The following DCAF8L2 variants were observed in gnomAD, a reference collection of about 807,000 sequenced individuals.
The protein encoded by DCAF8L2 is DDB1 and CUL4 associated factor 8 like 2, also known as DDB1- and CUL4-associated factor 8-like protein 2.
For missense variants in DCAF8L2, 430 were observed against 490.7 expected (o/e 0.88, Z 1.17); for synonymous variants, 200 against 190.9 (o/e 1.05, Z -0.39).
At chrX:27,640,919 T>C (rs1928691634) in intron 2 of DCAF8L2, among the ~76,000 whole-genome samples, 1 of 111,708 alleles carries the variant, frequency 9.0e-6, no homozygotes, top group Non-Finnish European at 1.9e-5. Context: ...TACTTTAGGG[T>C]TTCTAGTAGA....
chrX:27,738,217 G>A (rs935134679), intron 4 of DCAF8L2, among the ~76,000 whole-genome samples: 18 of 111,713 alleles, frequency 1.6e-4, no homozygotes, highest in African/African-American at 5.5e-4. Context: ...GAAATAGCTT[G>A]TAAGAAAATT....
the DCAF8L2 span, among the ~76,000 whole-genome samples, chrX:27,525,353 T>C: frequency 1.2e-4 from 13 of 111,650 alleles, no homozygotes; most frequent in South Asian, 3.8e-4. Context: ...GGATTGCAAC[T>C]CCTGCCTTTT....
chrX:27,579,170 A>G, the DCAF8L2 span, among the ~76,000 whole-genome samples: 1 of 112,131 alleles, frequency 8.9e-6, no homozygotes, highest in Admixed American at 9.5e-5. Flanking sequence ...ATGCTCATCA[A>G]TGATAGACTG....
At chrX:27,568,485 A>G in the DCAF8L2 span, among the ~76,000 whole-genome samples, 1 of 111,711 alleles carries the variant, frequency 9.0e-6, no homozygotes, top group Non-Finnish European at 1.9e-5. Flanking sequence ...TTTCTGAGTA[A>G]TGATACTACA....
chrX:27,639,142 A>G (rs1332947556), intron 2 of DCAF8L2, among the ~76,000 whole-genome samples: 1 of 112,171 alleles, frequency 8.9e-6, no homozygotes, highest in Non-Finnish European at 1.9e-5. Context: ...TTTCAACAAC[A>G]TGGATGGAAC....
chrX:27,695,583 A>G (rs1930863798), intron 3 of DCAF8L2, among the ~76,000 whole-genome samples: 1 of 111,586 alleles, frequency 9.0e-6, no homozygotes, highest in Admixed American at 9.5e-5. Context: ...TATGTGTATA[A>G]CAATACCTAC....
intron 4 of DCAF8L2, among the ~76,000 whole-genome samples, chrX:27,729,802 T>C (rs754466648): frequency 8.9e-6 from 1 of 111,936 alleles, no homozygotes; most frequent in South Asian, 3.7e-4. Context: ...AATTTCAACA[T>C]ATTAATTTAG....
chrX:27,524,069 T>C, the DCAF8L2 span, among the ~76,000 whole-genome samples: 29 of 112,012 alleles, frequency 2.6e-4, 1 homozygote, highest in East Asian at 8.2e-3. Flanking sequence ...GGATTCCCTC[T>C]TTTTCTATTG....
chrX:27,724,985 T>C (rs1396639154), intron 4 of DCAF8L2, among the ~76,000 whole-genome samples: 1 of 111,391 alleles, frequency 9.0e-6, no homozygotes, highest in Non-Finnish European at 1.9e-5. Context: ...CATATTTGAC[T>C]CTAAATAATT....
At chrX:27,670,565 G>T (rs1327951044) in intron 2 of DCAF8L2, among the ~76,000 whole-genome samples, 1 of 111,590 alleles carries the variant, frequency 9.0e-6, no homozygotes, top group East Asian at 2.8e-4. Context: ...ACCGTTTAAA[G>T]AATATCAAGG....
chrX:27,503,479 G>A, the DCAF8L2 span, among the ~76,000 whole-genome samples: 1 of 110,949 alleles, frequency 9.0e-6, no homozygotes, highest in Non-Finnish European at 1.9e-5. Context: ...TTTTGTATAA[G>A]GTCTGAGGTT....
the DCAF8L2 span, among the ~76,000 whole-genome samples, chrX:27,486,233 T>C: frequency 9.1e-6 from 1 of 109,782 alleles, no homozygotes; most frequent in Admixed American, 9.8e-5. Flanking sequence ...CTCAAACCTC[T>C]GACCTCAGGT....
chrX:27,734,823 G>T (rs1402452924), intron 4 of DCAF8L2, among the ~76,000 whole-genome samples: 4 of 111,557 alleles, frequency 3.6e-5, no homozygotes, highest in Admixed American at 1.9e-4. Context: ...ATTCACGAGT[G>T]TCCAGTTTTA....
At chrX:27,744,662 G>C (rs753607215) in intron 4 of DCAF8L2, among the ~76,000 whole-genome samples, 1 of 111,893 alleles carries the variant, frequency 8.9e-6, no homozygotes, top group African/African-American at 3.2e-5. Flanking sequence ...AGTGGGGCCA[G>C]GTGGGAGGTG....
At chrX:27,479,372 TATAA>T in the DCAF8L2 span, among the ~76,000 whole-genome samples, 12 of 111,365 alleles carry the variant, frequency 1.1e-4, no homozygotes, top group Non-Finnish European at 1.9e-4. Flanking sequence ...AGCAGATAGA[TATAA>T]GCTGCACCCG....
At chrX:27,492,481 C>CT in the DCAF8L2 span, among the ~76,000 whole-genome samples, 13,430 of 96,066 alleles carry the variant, frequency 0.14, 940 homozygotes, top group East Asian at 0.33. Flanking sequence ...TTCTTTCTTT[C>CT]TTTTTTTTTT....
chrX:27,493,477 G>A, the DCAF8L2 span, among the ~76,000 whole-genome samples: 5 of 110,107 alleles, frequency 4.5e-5, no homozygotes, highest in Non-Finnish European at 9.5e-5. Context: ...TTGGGAGGCC[G>A]ATACAGGTGG....
upstream of DCAF8L2, among the ~76,000 whole-genome samples, chrX:27,587,975 TAAA>T (rs531576238): frequency 2.0e-3 from 51 of 25,504 alleles, 2 homozygotes; most frequent in African/African-American, 4.6e-3. Flanking sequence ...GTACTTCCAT[TAAA>T]AAAAAAAATA....
At chrX:27,471,826 A>G in the DCAF8L2 span, among the ~76,000 whole-genome samples, 2 of 111,786 alleles carry the variant, frequency 1.8e-5, no homozygotes, top group Non-Finnish European at 1.9e-5. Flanking sequence ...CTAGAAGACA[A>G]TAGGTGTTCA....
Sources: allele counts gnomAD v4.1 joint callset (sites outside exome capture counted in the v4.1 genomes callset), GRCh38; gene constraint gnomAD v4.1.1; transcripts MANE v1.5; gene names NCBI Gene and HGNC (gene_info 2026-07-23, HGNC 2026-07-21).